The following GAS6 variants were observed in gnomAD, a reference collection of about 807,000 sequenced individuals.
GAS6 encodes the protein growth arrest specific 6.
In GAS6, 41 loss-of-function variants were observed where a neutral mutation model predicts 75.8. The ratio of observed to expected loss-of-function variants is 0.54; its 90% CI spans 0.42 to 0.70. GAS6 has a LOEUF of 0.70. Ranked by LOEUF, GAS6 falls within the 30% of genes least tolerant of loss-of-function variation. GAS6 has a pLI of 0.00. For synonymous variants in GAS6, 432 were observed against 412.6 expected, an observed-to-expected ratio of 1.05 and a Z score of -0.57; for missense variants, 854 against 940.2, an observed-to-expected ratio of 0.91 and a Z score of 1.20.
chr13:113,833,940 G>A (rs959910165), intron 8 of GAS6, among the ~76,000 whole-genome samples: 14 of 148,454 alleles, frequency 9.4e-5, no homozygotes, highest in Admixed American at 9.4e-4. Context: ...AGTGTGACAG[G>A]CCCCGGTGTG....
intron 12 of GAS6, among the ~76,000 whole-genome samples, chr13:113,825,150 G>A (rs574519908): frequency 1.3e-4 from 19 of 151,240 alleles, no homozygotes; most frequent in South Asian, 4.2e-4. Context: ...CCTGGGAGGC[G>A]GAGGTTGTGG....
rs1207991575 is a variant in GAS6, at chr13:113,863,148, C to A, written c.255+427G>T. The stretch of plus-strand genomic sequence containing the variant: ...TGGACCTGCTGCCGCAAGCAGTTCC[C>A]GCCCTCGGCCCTTTCAATTCCTCTT... On this transcript the variant is annotated intron_variant, in intron 2 of 14. Coordinates refer to ENST00000327773, the MANE Select transcript of GAS6 (RefSeq NM_000820.4). The surrounding 1 kb of genome is among the most constrained non-coding windows in gnomAD (Gnocchi z 9.4). Among the ~76,000 whole-genome samples, 1 of 152,208 alleles carries A rather than the reference C, an allele frequency of 6.6e-6. No individual in the cohort carries two copies. The highest frequency in any genetic ancestry group is 2.1e-4 in the South Asian group (1 of 4,834).
At position 113,844,405 on chromosome 13, in the gene GAS6, G is replaced by C. The variant is rs1205712766; in HGVS notation, c.343+2122C>G. The C allele has an allele frequency of 2.0e-5, 3 of 150,554 alleles. No individual in the cohort carries two copies. In the East Asian group the frequency reaches 5.8e-4, roughly 29 times the overall value. 9.3% of individuals were successfully genotyped at this position (150,554 alleles called of 1,614,324 possible). On this transcript the variant is annotated intron_variant, in intron 4 of 14. Transcript: ENST00000327773. The surrounding 1 kb of genome is among the most constrained non-coding windows in gnomAD (Gnocchi z 5.7). ...ATGCAAGGAAGCGAGGCGACGCCTT[G>C]AAAAGGACGGCCTTCTTTGCTGCAA...
At chr13:113,821,622 A>G (rs892586139) in intron 14 of GAS6, 16 of 345,458 alleles carry the variant, frequency 4.6e-5, no homozygotes, top group Admixed American at 3.5e-4. Flanking sequence ...GCGGGTCCCA[A>G]CTGCAGCCTG....
intron 4 of GAS6, chr13:113,840,647 C>T (rs983248074): frequency 2.6e-5 from 4 of 152,252 alleles, no homozygotes; most frequent in African/African-American, 4.8e-5. Context: ...TGCAGTTACG[C>T]AAGCCTGAGC....
Position 113,823,479 on chromosome 13 carries a change from C to T in GAS6, c.1549G>A (p.Ala517Thr), listed in dbSNP as rs765354911. ...AGCGCAAACAGCACGCCTGTGTCTG[C>T]GGCTGGGCGGATGTGAGCCACGACT... ...VEVVAHIRPA[A>T]DTGVLFALWA... The change falls in exon 13 of 15, where the codon GCA (alanine) becomes ACA (threonine). Residue 517 changes from alanine to threonine, a missense_variant. Physicochemically the swap from Ala to Thr is moderately conservative, Grantham distance 58 (BLOSUM62 0). Transcript: ENST00000327773. 2.2e-5 allele frequency: 36 copies of T among 1,612,606 alleles called. No individual in the cohort carries two copies. The highest frequency in any genetic ancestry group is 3.3e-5 in the Admixed American group (2 of 59,994).
intron 5 of GAS6, 55 bp from the exon 6 acceptor site, chr13:113,838,246 C>A: frequency 6.3e-7 from 1 of 1,599,152 alleles, no homozygotes; most frequent in Non-Finnish European, 8.5e-7. Flanking sequence ...CCCCTGGCTA[C>A]GGTAGGAAGA....
At chr13:113,827,629 G>A (rs1193984947) in intron 11 of GAS6, among the ~76,000 whole-genome samples, 1 of 149,852 alleles carries the variant, frequency 6.7e-6, no homozygotes, top group Non-Finnish European at 1.5e-5. Flanking sequence ...CCGGCACCAG[G>A]CAGTCTGTGG....
chr13:113,838,621 C>G (rs1404142833), intron 5 of GAS6, among the ~76,000 whole-genome samples: 2 of 99,152 alleles, frequency 2.0e-5, no homozygotes, highest in East Asian at 3.0e-4. Flanking sequence ...GGAGGGAGCC[C>G]GGGGGTGCAC....
chr13:113,832,811 G>A (rs776578033), intron 8 of GAS6, 59 bp from the exon 9 acceptor site: 2 of 1,608,424 alleles, frequency 1.2e-6, no homozygotes, highest in Non-Finnish European at 1.7e-6. Context: ...GCTCCCCTGA[G>A]CCCCACGCCC....
Position 113,864,021 on chromosome 13 carries a change from G to T in GAS6, c.-101C>A. Reference sequence around the variant, plus strand: ...GTCATCCCGTCCTGGCGGCCCTGAAGGTCACATCGCGGCGGCGGCGGCGGC... The same window carrying T: ...GTCATCCCGTCCTGGCGGCCCTGAATGTCACATCGCGGCGGCGGCGGCGGC... On this transcript the variant is annotated 5_prime_UTR_variant, in exon 1 of 15. Transcript: ENST00000327773. The T allele has an allele frequency of 9.8e-7, 1 of 1,017,148 alleles. No individual in the cohort carries two copies. Among genetic ancestry groups the T allele is most frequent in the Non-Finnish European group, 1.2e-6 (1 of 853,628 alleles). 63.0% of individuals were successfully genotyped at this position (1,017,148 alleles called of 1,614,324 possible).
rs1251100794 is a variant in GAS6 at position 113,845,106 on chromosome 13, G to A, written c.343+1421C>T. On this transcript the variant is annotated intron_variant, in intron 4 of 14. Coordinates refer to ENST00000327773, the MANE Select transcript of GAS6 (RefSeq NM_000820.4). The surrounding 1 kb of genome is among the most constrained non-coding windows in gnomAD (Gnocchi z 4.3). ...CCCAAATGCAGACATTGGGCCCTAC[G>A]TGGCACCTGGCTACTGTGCATGGTT... is the stretch of plus-strand genomic sequence containing the variant. The A allele has an allele frequency of 1.3e-5, 2 of 150,762 alleles. No individual in the cohort carries two copies. The highest frequency in any genetic ancestry group is 2.9e-5 in the Non-Finnish European group (2 of 68,010). 9.3% of individuals were successfully genotyped at this position (150,762 alleles called of 1,614,324 possible).
intron 3 of GAS6, chr13:113,847,748 G>A (rs1426369550): frequency 1.5e-5 from 7 of 463,248 alleles, no homozygotes; most frequent in African/African-American, 8.0e-5. Flanking sequence ...TCAATTACAC[G>A]TCCTGACAAG....
intron 2 of GAS6, among the ~76,000 whole-genome samples, chr13:113,861,609 G>T (rs548051972): frequency 6.6e-6 from 1 of 152,178 alleles, no homozygotes; most frequent in African/African-American, 2.4e-5. Flanking sequence ...TCCCAAGAGT[G>T]TGGCAGAGGA....
At chr13:113,854,541 C>A (rs1384937790) in intron 2 of GAS6, among the ~76,000 whole-genome samples, 1 of 152,260 alleles carries the variant, frequency 6.6e-6, no homozygotes. Flanking sequence ...TCCCGACAGC[C>A]CCCAGCAGGG....
intron 8 of GAS6, chr13:113,833,101 G>A (rs562843120): frequency 8.4e-7 from 1 of 1,185,044 alleles, no homozygotes; most frequent in East Asian, 5.7e-5. Flanking sequence ...AATAGATATG[G>A]ATGCCTTGAA....
chr13:113,823,587 C>G (rs755159941), intron 12 of GAS6, 37 bp from the exon 13 acceptor site: 3 of 1,570,864 alleles, frequency 1.9e-6, no homozygotes, highest in Non-Finnish European at 2.6e-6. Flanking sequence ...GTGGTATGCA[C>G]GGTGGAGAGG....
intron 5 of GAS6, among the ~76,000 whole-genome samples, chr13:113,838,747 G>A (rs1485186248): frequency 6.7e-6 from 1 of 149,842 alleles, no homozygotes; most frequent in African/African-American, 2.5e-5. Flanking sequence ...AGCCGGGGGG[G>A]TGCACAGCCC....
chr13:113,822,191 A>G lies in GAS6; in HGVS notation c.1654-5T>C. 1 of 1,528,412 alleles carries G rather than the reference A, an allele frequency of 6.5e-7. No individual in the cohort carries two copies. Among genetic ancestry groups the G allele is most frequent in the Non-Finnish European group, 8.8e-7 (1 of 1,130,248 alleles). The allele number at this position is 1,528,412 out of a possible 1,614,324, so 94.7% of individuals were successfully genotyped here. A position where few individuals can be genotyped will look rare whatever the true frequency, so the allele number is the denominator to read the frequency against. On this transcript the variant is annotated splice_region_variant and splice_polypyrimidine_tract_variant and intron_variant, in intron 13 of 14. Transcript: ENST00000327773. The stretch of plus-strand genomic sequence containing the variant: ...CTCCACGGCCAGGACCACCAGCTGC[A>G]GGAGACCGAGGTGTGGTCAGGGCCT...
Sources: gnomAD v4.1 joint callset for allele counts (sites outside exome capture counted in the v4.1 genomes callset) on GRCh38, gnomAD v4.1.1 for gene constraint, Gnocchi (gnomAD v3.1) non-coding constraint, MANE v1.5 for transcripts, NCBI Gene and HGNC (gene_info 2026-07-23, HGNC 2026-07-21) for gene names.